PDE4D: variants seen among roughly 807,000 people sequenced by gnomAD.
The protein encoded by PDE4D is phosphodiesterase 4D, also known as 3',5'-cyclic-AMP phosphodiesterase 4D.
PDE4D carries 24 observed loss-of-function variants against 87.4 expected under a neutral mutation model. That is an observed-to-expected ratio of 0.27 (90% CI 0.20 to 0.39). The LOEUF (loss-of-function observed/expected upper bound fraction) is 0.39. PDE4D is among the 10% of genes least tolerant of loss of function. PDE4D has a pLI of 1.00. For synonymous variants in PDE4D, 384 were observed against 383.2 expected (o/e 1.00, Z -0.02); for missense variants, 714 against 1,041.0 (o/e 0.69, Z 4.32).
chr5:59,154,593 G>A (rs1779895334), intron 5 of PDE4D, among the ~76,000 whole-genome samples: 1 of 152,032 alleles, frequency 6.6e-6, no homozygotes, highest in African/African-American at 2.4e-5. Flanking sequence ...AATAAAAATT[G>A]TATTCATTTG....
At chr5:59,741,661 A>C (rs2150672465) in intron 1 of PDE4D, among the ~76,000 whole-genome samples, 1 of 152,332 alleles carries the variant, frequency 6.6e-6, no homozygotes, top group Admixed American at 6.5e-5. Flanking sequence ...AAAGCTACTG[A>C]CTACATGTCT....
At chr5:60,376,067 A>G (rs1761409921) in intron 1 of PDE4D, among the ~76,000 whole-genome samples, 1 of 152,174 alleles carries the variant, frequency 6.6e-6, no homozygotes, top group African/African-American at 2.4e-5. Context: ...CCTGATTCCC[A>G]GATTTTTACA....
At chr5:59,074,369 T>C (rs1765343953) in intron 5 of PDE4D, among the ~76,000 whole-genome samples, 3 of 151,906 alleles carry the variant, frequency 2.0e-5, no homozygotes, top group Non-Finnish European at 4.4e-5. Context: ...AAATATAAAA[T>C]GGAGGAAAAA....
In PDE4D at chr5:59,157,259, G is replaced by C. The variant is rs140360496; in HGVS notation, c.808+23336C>G. ...TCACTTGTATTGCATTGTTTTCAAA[G>C]TGACTAAACAGCTGTAGTTTTCAAG... is the stretch of plus-strand genomic sequence containing the variant. On this transcript the variant is annotated intron_variant, in intron 5 of 14. Coordinates refer to ENST00000340635, the MANE Select transcript of PDE4D (RefSeq NM_001104631.2). 1.1e-4 allele frequency: 80 copies of C among 701,124 alleles called. No homozygotes were observed. The African/African-American group carries it at 1.3e-3, about 12-fold the overall frequency. The allele number at this position is 701,124 out of a possible 1,614,324, so 43.4% of individuals were successfully genotyped here. A position where few individuals can be genotyped will look rare whatever the true frequency, so the allele number is the denominator to read the frequency against.
rs569367789 is a variant in PDE4D, at chr5:59,085,774, A to C, written c.809-46803T>G. ...CTCCCACAATTAGTTTTGTAAAAGC[A>C]AGTGCTTAATTGTACTTGACAAACA... On this transcript the variant is annotated intron_variant, in intron 5 of 14. Coordinates refer to ENST00000340635, the MANE Select transcript of PDE4D (RefSeq NM_001104631.2). 3.7e-4 allele frequency among the ~76,000 whole-genome samples: 57 copies of C among 152,216 alleles called. 1 individual carries two copies. The highest frequency in any genetic ancestry group is 7.2e-4 in the Non-Finnish European group (49 of 68,036).
intron 1 of PDE4D, among the ~76,000 whole-genome samples, chr5:60,448,887 T>C (rs185448386): frequency 1.2e-3 from 190 of 152,290 alleles, no homozygotes; most frequent in African/African-American, 4.3e-3. Context: ...TATTTATTTA[T>C]GATCCAAATA....
intron 1 of PDE4D, among the ~76,000 whole-genome samples, chr5:60,429,704 G>A (rs1378327863): frequency 1.3e-5 from 2 of 152,132 alleles, no homozygotes; most frequent in African/African-American, 4.8e-5. Flanking sequence ...AGCCTTTTCT[G>A]CATCTATTGA....
intron 1 of PDE4D, among the ~76,000 whole-genome samples, chr5:60,300,759 T>C (rs190257101): frequency 6.3e-4 from 96 of 152,092 alleles, no homozygotes; most frequent in African/African-American, 2.0e-3. Flanking sequence ...TTGGGCTATG[T>C]ATCTGTTCTT....
rs1018165871 is a variant in PDE4D, at chr5:60,206,237, A to G, written c.-89-20550T>C. On this transcript the variant is annotated intron_variant, in intron 1 of 16. Transcript: ENST00000502484. ...GCCACCTTTAATCTGATGTTAAAAA[A>G]TGCTTAACACTGTCTCAGAAATTCA... Among the ~76,000 whole-genome samples the G allele has an allele frequency of 2.0e-5, 3 of 152,226 alleles. No homozygotes were observed. In the South Asian group the frequency reaches 6.2e-4, roughly 31 times the overall value.
At chr5:59,375,957 T>C (rs1215853145) in intron 1 of PDE4D, among the ~76,000 whole-genome samples, 1 of 152,194 alleles carries the variant, frequency 6.6e-6, no homozygotes, top group East Asian at 1.9e-4. Flanking sequence ...TCTCAAAAGA[T>C]GTGGAAAATG....
At chr5:59,175,034 G>A (rs113351347) in intron 5 of PDE4D, among the ~76,000 whole-genome samples, 54 of 152,274 alleles carry the variant, frequency 3.5e-4, no homozygotes, top group African/African-American at 1.2e-3. Context: ...CAGAATGCTT[G>A]CCTTGAGCTA....
chr5:59,739,633 T>C (rs1365846197), intron 1 of PDE4D, among the ~76,000 whole-genome samples: 1 of 152,204 alleles, frequency 6.6e-6, no homozygotes, highest in Admixed American at 6.5e-5. Flanking sequence ...GATGGTGCAG[T>C]GATACAGCGA....
chr5:59,647,573 C>A (rs778480150), intron 1 of PDE4D, among the ~76,000 whole-genome samples: 9 of 151,570 alleles, frequency 5.9e-5, no homozygotes, highest in Non-Finnish European at 1.3e-4. Context: ...CATCTTAAAC[C>A]GTATCTTCTA....
chr5:59,723,083 T>G (rs1389721851), intron 1 of PDE4D, among the ~76,000 whole-genome samples: 12 of 152,096 alleles, frequency 7.9e-5, no homozygotes, highest in Non-Finnish European at 1.3e-4. Flanking sequence ...CAGAAGGTAC[T>G]GAAGTCACAT....
intron 3 of PDE4D, among the ~76,000 whole-genome samples, chr5:59,912,148 C>T (rs1351891300): frequency 1.3e-5 from 2 of 152,122 alleles, no homozygotes; most frequent in African/African-American, 4.8e-5. Context: ...TATAATAACA[C>T]GTGAATGTTG....
At chr5:59,366,441 T>C (rs1410956396) in intron 1 of PDE4D, among the ~76,000 whole-genome samples, 1 of 152,160 alleles carries the variant, frequency 6.6e-6, no homozygotes, top group African/African-American at 2.4e-5. Flanking sequence ...TCAATACCCA[T>C]TTAATTGATA....
At chr5:59,244,697 T>C (rs1278339913) in intron 1 of PDE4D, among the ~76,000 whole-genome samples, 3 of 146,660 alleles carry the variant, frequency 2.0e-5, no homozygotes, top group Non-Finnish European at 3.0e-5. Flanking sequence ...TGTGTGTGTG[T>C]GTGTGTGTGT....
intron 1 of PDE4D, among the ~76,000 whole-genome samples, chr5:60,471,734 C>CT (rs918314276): frequency 5.3e-5 from 8 of 152,214 alleles, no homozygotes; most frequent in Admixed American, 1.3e-4. Flanking sequence ...AAGGTATGTA[C>CT]TTTTTTTAGA....
intron 1 of PDE4D, among the ~76,000 whole-genome samples, chr5:60,463,116 T>C (rs931522711): frequency 1.3e-5 from 2 of 152,018 alleles, no homozygotes; most frequent in South Asian, 2.1e-4. Context: ...CAAAGATAAA[T>C]AGTATATGGA....
Sources: allele counts gnomAD v4.1 joint callset (sites outside exome capture counted in the v4.1 genomes callset), GRCh38; gene constraint gnomAD v4.1.1; transcripts MANE v1.5; gene names NCBI Gene and HGNC (gene_info 2026-07-23, HGNC 2026-07-21).